Variants in FAM3B observed in about 807,000 individuals in gnomAD.
FAM3B encodes the protein FAM3 metabolism regulating signaling molecule B.
FAM3B carries 29 observed loss-of-function variants against 28.4 expected under a neutral mutation model. The ratio of observed to expected loss-of-function variants is 1.02; its 90% CI spans 0.76 to 1.39. The LOEUF (loss-of-function observed/expected upper bound fraction) is 1.39, where lower values mean the gene tolerates loss of function less well. Among genes scored for constraint, FAM3B ranks in the 40% most tolerant of loss-of-function variants. FAM3B has a pLI of 0.00. For missense variants in FAM3B, 266 were observed against 293.9 expected (o/e 0.91, Z 0.69); for synonymous variants, 91 against 103.0 (o/e 0.88, Z 0.71).
chr21:41,312,243 A>T (rs1287388996), upstream of FAM3B, among the ~76,000 whole-genome samples: 1 of 152,364 alleles, frequency 6.6e-6, no homozygotes, highest in South Asian at 2.1e-4. Flanking sequence ...TAATTGCTCT[A>T]TCTGGCACTT....
rs1456725856 is a variant in FAM3B, at chr21:41,316,991, C to T, written c.19+93C>T. The T allele has an allele frequency of 7.0e-6, 8 of 1,139,642 alleles. No homozygotes were observed. In the East Asian group the frequency reaches 9.6e-5, roughly 14 times the overall value. 70.6% of individuals were successfully genotyped at this position (1,139,642 alleles called of 1,614,324 possible). ...CCCCAACCCTGCCTGGGACCCGCCACGCTTAGCAAAAGCGGGAGGGCTGGT... is the reference window on the plus strand; with the variant it reads ...CCCCAACCCTGCCTGGGACCCGCCATGCTTAGCAAAAGCGGGAGGGCTGGT... On this transcript the variant is annotated intron_variant, in intron 1 of 7. Transcript: ENST00000357985.
intron 6 of FAM3B, 132 bp downstream of exon 6, chr21:41,347,232 A>G: frequency 1.3e-6 from 1 of 742,168 alleles, no homozygotes; most frequent in Non-Finnish European, 2.4e-6. Flanking sequence ...CTAAGGAAAA[A>G]GAATGAAAGA....
chr21:41,314,375 C>G (rs1390430238), upstream of FAM3B, among the ~76,000 whole-genome samples: 1 of 152,204 alleles, frequency 6.6e-6, no homozygotes, highest in African/African-American at 2.4e-5. Context: ...CAGACTAAGT[C>G]TTGCCTAAGG....
chr21:41,322,517 A>G (rs2088815901), intron 1 of FAM3B: 2 of 701,564 alleles, frequency 2.9e-6, no homozygotes, highest in South Asian at 1.5e-5. Context: ...GAAGGTTTCA[A>G]TGTAATTGCA....
At chr21:41,355,518 A>G (rs900931891) in intron 7 of FAM3B, among the ~76,000 whole-genome samples, 6 of 152,168 alleles carry the variant, frequency 3.9e-5, no homozygotes, top group African/African-American at 1.4e-4. Flanking sequence ...ATTCTGATAC[A>G]TGCTACAATA....
At position 41,322,910 on chromosome 21, in the gene FAM3B, G is replaced by A. The variant is rs746838619; in HGVS notation, c.20-13G>A. 1 of 1,614,122 alleles carries A rather than the reference G, an allele frequency of 6.2e-7. No individual in the cohort carries two copies. Among genetic ancestry groups the A allele is most frequent in the Non-Finnish European group, 8.5e-7 (1 of 1,180,046 alleles). ...AAGTCGTTCACAGCAGCTGCTTGGT[G>A]TCCTCTCTGCAGGCCTGCTCAAGGT... On this transcript the variant is annotated splice_polypyrimidine_tract_variant and intron_variant, in intron 1 of 7. Transcript: ENST00000357985.
intron 1 of FAM3B, among the ~76,000 whole-genome samples, chr21:41,317,856 T>G (rs528671308): frequency 6.6e-6 from 1 of 152,282 alleles, no homozygotes; most frequent in Admixed American, 6.6e-5. Context: ...GAAAGCCGCA[T>G]TTTAAGATTT....
At chr21:41,330,161 G>C (rs1316315761) in intron 2 of FAM3B, among the ~76,000 whole-genome samples, 1 of 146,900 alleles carries the variant, frequency 6.8e-6, no homozygotes, top group Non-Finnish European at 1.5e-5. Flanking sequence ...ACATAATACA[G>C]GTACAGCATC....
intron 2 of FAM3B, among the ~76,000 whole-genome samples, chr21:41,328,624 T>A (rs1267231407): frequency 6.6e-6 from 1 of 152,206 alleles, no homozygotes; most frequent in Non-Finnish European, 1.5e-5. Flanking sequence ...ATTACAGGCA[T>A]GAGCCACTGC....
At chr21:41,341,642 C>A (rs1323145963) in intron 3 of FAM3B, among the ~76,000 whole-genome samples, 1 of 152,202 alleles carries the variant, frequency 6.6e-6, no homozygotes, top group Non-Finnish European at 1.5e-5. Context: ...GAGATTTATC[C>A]TTCACGTTGG....
chr21:41,322,572 G>A (rs1963375123), intron 1 of FAM3B: 3 of 716,584 alleles, frequency 4.2e-6, no homozygotes, highest in East Asian at 2.7e-5. Context: ...GGAATGAGGC[G>A]CTTTTGTTTT....
intron 7 of FAM3B, among the ~76,000 whole-genome samples, chr21:41,349,692 C>T (rs1201638008): frequency 6.6e-6 from 1 of 152,200 alleles, no homozygotes; most frequent in Non-Finnish European, 1.5e-5. Context: ...GAGAAGGGGG[C>T]TGGATAAGGT....
Position 41,322,930 on chromosome 21 carries a change from C to G in FAM3B, c.27C>G (p.Leu9=), listed in dbSNP as rs769421424. ...TTGGTGTCCTCTCTGCAGGCCTGCT[C>G]AAGGTGGTGTTCGTGGTCTTCGCCT... The part of the protein sequence containing the change: MRPLAGGL[L]KVVFVVFASL... Residue 9 remains leucine (L), a synonymous_variant, in exon 2 of 8, where the codon CTC becomes CTG. Transcript: ENST00000357985. 1.2e-6 allele frequency: 2 copies of G among 1,614,024 alleles called. No homozygotes were observed. The highest frequency in any genetic ancestry group is 1.7e-6 in the Non-Finnish European group (2 of 1,180,042).
chr21:41,340,223 G>A (rs574134235), intron 3 of FAM3B, among the ~76,000 whole-genome samples: 12 of 148,772 alleles, frequency 8.1e-5, no homozygotes, highest in Admixed American at 2.0e-4. Context: ...GCGCCATCTC[G>A]GCTCACTGCA....
chr21:41,332,061 G>T (rs944303224), intron 2 of FAM3B, among the ~76,000 whole-genome samples: 3 of 152,204 alleles, frequency 2.0e-5, no homozygotes, highest in African/African-American at 7.2e-5. Context: ...TGGATGATGA[G>T]GGTGCATGCC....
rs1209471280 is a variant in FAM3B, at chr21:41,326,866, G to A, written c.163+3800G>A. ...ACCCAGCCCACTGTTCTGCACCTGG[G>A]GCCCTTTTCACCCAAGCTCCTCGTT... On this transcript the variant is annotated intron_variant, in intron 2 of 7. Transcript: ENST00000357985. The surrounding 1 kb of genome is among the most constrained non-coding windows in gnomAD (Gnocchi z 4.0). 1.3e-5 allele frequency among the ~76,000 whole-genome samples: 2 copies of A among 152,172 alleles called. No homozygotes were observed. The highest frequency in any genetic ancestry group is 3.9e-4 in the East Asian group (2 of 5,190).
At chr21:41,334,320 A>G (rs2088933974) in intron 2 of FAM3B, among the ~76,000 whole-genome samples, 1 of 152,218 alleles carries the variant, frequency 6.6e-6, no homozygotes, top group African/African-American at 2.4e-5. Context: ...AGGCATTTCA[A>G]AGACCTTTGC....
At position 41,344,375 on chromosome 21, in the gene FAM3B, G is replaced by A. The variant is rs2089037094; in HGVS notation, c.288-101G>A. On this transcript the variant is annotated intron_variant, in intron 3 of 7. Coordinates refer to ENST00000357985, the MANE Select transcript of FAM3B (RefSeq NM_058186.4). ...ATGCAGACTTTCAAGGAAAAGGTGGGGGACAGCAGATGAGACTGACATTTG... is the reference window on the plus strand; with the variant it reads ...ATGCAGACTTTCAAGGAAAAGGTGGAGGACAGCAGATGAGACTGACATTTG... 3.8e-6 allele frequency: 4 copies of A among 1,063,440 alleles called. No individual in the cohort carries two copies. The African/African-American group carries it at 6.3e-5, about 17-fold the overall frequency. 65.9% of individuals were successfully genotyped at this position (1,063,440 alleles called of 1,614,324 possible). A position where few individuals can be genotyped will look rare whatever the true frequency, so the allele number is the denominator to read the frequency against.
chr21:41,343,935 T>C (rs1047651546), intron 3 of FAM3B, among the ~76,000 whole-genome samples: 6 of 152,104 alleles, frequency 3.9e-5, no homozygotes, highest in Non-Finnish European at 7.4e-5. Context: ...CTGAGCAGTA[T>C]GGCAAAACTC....
Sources: gnomAD v4.1 joint callset for allele counts (sites outside exome capture counted in the v4.1 genomes callset) on GRCh38, gnomAD v4.1.1 for gene constraint, Gnocchi (gnomAD v3.1) non-coding constraint, MANE v1.5 for transcripts, NCBI Gene and HGNC (gene_info 2026-07-23, HGNC 2026-07-21) for gene names.